RBM17: variants seen among roughly 807,000 people sequenced by gnomAD.
RBM17 encodes RNA binding motif protein 17.
Under a neutral mutation model 53.2 loss-of-function variants are expected in RBM17, and 7 were observed. The ratio of observed to expected loss-of-function variants is 0.13; its 90% CI spans 0.07 to 0.25. RBM17 has a LOEUF of 0.25. Among genes scored for constraint, RBM17 ranks in the 10% least tolerant of loss-of-function variants. The pLI is 1.00. For missense variants in RBM17, 257 were observed against 496.7 expected (o/e 0.52, Z 4.59); for synonymous variants, 167 against 178.1 (o/e 0.94, Z 0.50).
intron 3 of RBM17, among the ~76,000 whole-genome samples, chr10:6,104,556 ATTTTT>A (rs1000736744): frequency 1.1e-4 from 16 of 152,150 alleles, no homozygotes; most frequent in African/African-American, 3.9e-4. Context: ...TGGTTGTTTT[ATTTTT>A]TAAGTTGTCA....
intron 2 of RBM17, among the ~76,000 whole-genome samples, chr10:6,098,654 C>T (rs1840621278): frequency 7.3e-6 from 1 of 137,768 alleles, no homozygotes; most frequent in African/African-American, 2.7e-5. Context: ...CAGCTCACTG[C>T]AAGCTCCGCC....
intron 5 of RBM17, 91 bp from the exon 6 acceptor site, chr10:6,108,595 G>C (rs546047328): frequency 1.4e-5 from 13 of 953,486 alleles, no homozygotes; most frequent in African/African-American, 3.4e-5. Flanking sequence ...TTTTTCTTAG[G>C]GGGGTGGGTG....
Position 6,091,297 on chromosome 10 carries a change from G to A in RBM17, c.-19+2104G>A, listed in dbSNP as rs1053159117. Among the ~76,000 whole-genome samples the A allele has an allele frequency of 2.0e-5, 3 of 152,202 alleles. No individual in the cohort carries two copies. In the South Asian group the frequency reaches 6.2e-4, roughly 32 times the overall value. ...TGGTCTCGAACTCCTGATCTCAAGT[G>A]ATCCTCCTGCCTCGGCCTCCCAAAG... On this transcript the variant is annotated intron_variant, in intron 1 of 11. Coordinates refer to ENST00000379888, the MANE Select transcript of RBM17 (RefSeq NM_032905.5).
chr10:6,105,124 A>G, intron 4 of RBM17, 27 bp downstream of exon 4: 1 of 1,603,630 alleles, frequency 6.2e-7, no homozygotes, highest in East Asian at 2.2e-5. Flanking sequence ...ATTTGGGGAT[A>G]TTTTACAGTT....
chr10:6,097,205 A>G lies in RBM17; in HGVS notation c.123+17A>G. On this transcript the variant is annotated intron_variant, in intron 2 of 11. Coordinates refer to ENST00000379888, the MANE Select transcript of RBM17 (RefSeq NM_032905.5). ...CAGGCAAAGGTAAAGACAAGCCCAG[A>G]GCATGAGAGCAGAGGCCTCCAGAGT... 1 of 1,613,104 alleles carries G rather than the reference A, an allele frequency of 6.2e-7. No individual in the cohort carries two copies. The highest frequency in any genetic ancestry group is 8.5e-7 in the Non-Finnish European group (1 of 1,179,586).
intron 7 of RBM17, 28 bp downstream of exon 7, chr10:6,110,155 A>G: frequency 6.3e-7 from 1 of 1,580,296 alleles, no homozygotes; most frequent in Non-Finnish European, 8.6e-7. Flanking sequence ...TTATCTAAGG[A>G]CTTGAGAGAC....
chr10:6,100,345 A>G (rs935352572), intron 2 of RBM17, among the ~76,000 whole-genome samples: 1 of 152,246 alleles, frequency 6.6e-6, no homozygotes, highest in Non-Finnish European at 1.5e-5. Context: ...GGCCTGACGC[A>G]GTGTGCCTGC....
chr10:6,101,847 T>C (rs1160881479), intron 3 of RBM17, among the ~76,000 whole-genome samples: 3 of 152,242 alleles, frequency 2.0e-5, no homozygotes, highest in Non-Finnish European at 4.4e-5. Flanking sequence ...TATTTTTTGC[T>C]ATCATAAACA....
chr10:6,112,405 C>T lies in RBM17; in HGVS notation c.856+44C>T, dbSNP rs576815893. The T allele has an allele frequency of 1.2e-6, 2 of 1,608,904 alleles. No homozygotes were observed. The highest frequency in any genetic ancestry group is 1.7e-5 in the Admixed American group (1 of 59,832). On this transcript the variant is annotated intron_variant, in intron 8 of 11. Coordinates refer to ENST00000379888, the MANE Select transcript of RBM17 (RefSeq NM_032905.5). The surrounding 1 kb of genome is among the most constrained non-coding windows in gnomAD (Gnocchi z 4.4). ...GTGTGACTAGAGGGAAAGGACTGGC[C>T]CCATCCATATCAGACATGGCCAGTC... is the stretch of plus-strand genomic sequence containing the variant.
chr10:6,101,317 T>G lies in RBM17; in HGVS notation c.170T>G (p.Leu57Arg). 6.2e-7 allele frequency: 1 copy of G among 1,613,704 alleles called. No homozygotes were observed. ...ACAGTCCTCGCCCCAGTCATTGACC[T>G]GAAGCGAGGTGGCTCCTCAGATGAC... ...QSTVLAPVID[L>R]KRGGSSDDRQ... Residue 57 changes from leucine (L) to arginine (R), a missense_variant, in exon 3 of 12, where the codon CTG (leucine) becomes CGG (arginine). By Grantham distance (102) the Leu-to-Arg change is moderately radical. Transcript: ENST00000379888.
intron 2 of RBM17, among the ~76,000 whole-genome samples, chr10:6,099,323 TTTAG>T (rs1236400298): frequency 6.6e-6 from 1 of 152,090 alleles, no homozygotes; most frequent in Non-Finnish European, 1.5e-5. Context: ...TCTTAGGCTG[TTTAG>T]TTACTCAGAA....
At chr10:6,109,509 T>C (rs1240727024) in intron 6 of RBM17, among the ~76,000 whole-genome samples, 1 of 152,168 alleles carries the variant, frequency 6.6e-6, no homozygotes, top group Non-Finnish European at 1.5e-5. Context: ...CCTACTGACT[T>C]TCATCTAACT....
intron 1 of RBM17, among the ~76,000 whole-genome samples, chr10:6,095,793 C>T (rs1840563561): frequency 6.6e-6 from 1 of 152,170 alleles, no homozygotes; most frequent in African/African-American, 2.4e-5. Flanking sequence ...GTCCCCCACT[C>T]CACACAGTGT....
chr10:6,110,098 A>G lies in RBM17; in HGVS notation c.675A>G (p.Gly225=). The part of the protein sequence containing the change: ...EEQDRPRSPT[G]PSNSFLANMG... ...AAGACAGACCGAGATCTCCAACCGG[A>G]CCTAGCAACTCCTTCCTCGCTAACA... Residue 225 remains glycine (G), a synonymous_variant, in exon 7 of 12, where the codon GGA becomes GGG. Transcript: ENST00000379888. 1 of 1,611,064 alleles carries G rather than the reference A, an allele frequency of 6.2e-7. No homozygotes were observed. Among genetic ancestry groups the G allele is most frequent in the Non-Finnish European group, 8.5e-7 (1 of 1,178,548 alleles).
intron 4 of RBM17, 144 bp downstream of exon 4, chr10:6,105,241 T>C: frequency 2.8e-6 from 2 of 708,344 alleles, no homozygotes; most frequent in Non-Finnish European, 4.6e-6. Context: ...CAAACTGTTT[T>C]ACGATTTGTA....
rs756336317 is a variant in RBM17 at position 6,108,670 on chromosome 10, ATT to A, written c.506-14_506-13del. 3.1e-6 allele frequency: 5 copies of A among 1,609,166 alleles called. No homozygotes were observed. The East Asian group carries it at 6.7e-5, about 22-fold the overall frequency. On this transcript the variant is annotated splice_polypyrimidine_tract_variant and intron_variant, in intron 5 of 11. Transcript: ENST00000379888. ...ATCGGAAACCTCCTTTAATGCTTGG[ATT>A]TGTGGTTTTGCAGGTATGGGCGGAG... is the stretch of plus-strand genomic sequence containing the variant.
At chr10:6,091,640 T>G (rs1840487452) in intron 1 of RBM17, among the ~76,000 whole-genome samples, 1 of 152,166 alleles carries the variant, frequency 6.6e-6, no homozygotes, top group Non-Finnish European at 1.5e-5. Context: ...GCACTAACAT[T>G]TTTCATCCAT....
intron 3 of RBM17, among the ~76,000 whole-genome samples, chr10:6,102,373 T>C (rs1840681075): frequency 6.6e-6 from 1 of 152,202 alleles, no homozygotes. Flanking sequence ...GTCCTGCTTA[T>C]GTTCTGGGCC....
intron 2 of RBM17, among the ~76,000 whole-genome samples, chr10:6,098,739 G>A (rs976770250): frequency 1.4e-4 from 22 of 151,984 alleles, no homozygotes; most frequent in African/African-American, 2.9e-4. Context: ...CTGCGCCTGC[G>A]GTGTTTCACC....
Sources: gnomAD v4.1 joint callset for allele counts (sites outside exome capture counted in the v4.1 genomes callset) on GRCh38, gnomAD v4.1.1 for gene constraint, Gnocchi (gnomAD v3.1) non-coding constraint, MANE v1.5 for transcripts, NCBI Gene and HGNC (gene_info 2026-07-23, HGNC 2026-07-21) for gene names.